Variants in DLGAP1 observed in about 807,000 individuals in gnomAD.
DLGAP1 encodes the protein disks large-associated protein 1.
DLGAP1 carries 11 observed loss-of-function variants against 90.8 expected under a neutral mutation model. That is an observed-to-expected ratio of 0.12 (90% confidence interval 0.08 to 0.20). DLGAP1 has a LOEUF of 0.20. DLGAP1 is among the 10% of genes least tolerant of loss of function. DLGAP1 has a pLI of 1.00. For synonymous variants in DLGAP1, 558 were observed against 540.7 expected (o/e 1.03, Z -0.44); for missense variants, 1,050 against 1,333.8 (o/e 0.79, Z 3.31).
chr18:3,668,111 T>C (rs1442292568), intron 7 of DLGAP1, among the ~76,000 whole-genome samples: 1 of 152,170 alleles, frequency 6.6e-6, no homozygotes, highest in African/African-American at 2.4e-5. Context: ...TAATTTATTT[T>C]TCCTTAAGTG....
intron 2 of DLGAP1, among the ~76,000 whole-genome samples, chr18:4,057,795 G>C (rs1193237515): frequency 2.0e-5 from 3 of 152,146 alleles, no homozygotes; most frequent in Admixed American, 1.3e-4. Context: ...ACTGTGACTT[G>C]GATATGTCAC....
intron 2 of DLGAP1, among the ~76,000 whole-genome samples, chr18:4,102,189 G>C (rs1221974180): frequency 1.3e-5 from 2 of 152,094 alleles, no homozygotes; most frequent in Non-Finnish European, 2.9e-5. Flanking sequence ...TGTTCTAAAG[G>C]ACTCCAGTAG....
At chr18:4,030,573 G>GTAGCTCAA (rs1568360622) in intron 2 of DLGAP1, among the ~76,000 whole-genome samples, 2 of 151,912 alleles carry the variant, frequency 1.3e-5, no homozygotes, top group African/African-American at 4.8e-5. Flanking sequence ...TTGAGTGAAG[G>GTAGCTCAA]TTGCCAAGTG....
chr18:4,046,430 A>G (rs774142714), intron 2 of DLGAP1, among the ~76,000 whole-genome samples: 10 of 152,230 alleles, frequency 6.6e-5, no homozygotes, highest in African/African-American at 1.7e-4. Flanking sequence ...TTTCCATATC[A>G]TCTTAGTTAG....
At chr18:3,512,616 A>T (rs1251494244) in intron 10 of DLGAP1, among the ~76,000 whole-genome samples, 1 of 152,196 alleles carries the variant, frequency 6.6e-6, no homozygotes, top group Non-Finnish European at 1.5e-5. Flanking sequence ...ATCACTTAGT[A>T]TTTCAAAACT....
At chr18:4,428,456 C>A (rs2083205349) in intron 1 of DLGAP1, among the ~76,000 whole-genome samples, 1 of 152,118 alleles carries the variant, frequency 6.6e-6, no homozygotes, top group Non-Finnish European at 1.5e-5. Context: ...GTGGCGCACA[C>A]CTGTAATCCC....
chr18:3,611,528 G>A lies in DLGAP1; in HGVS notation c.1592-29280C>T, dbSNP rs182226517. 2.5e-3 allele frequency among the ~76,000 whole-genome samples: 379 copies of A among 152,180 alleles called. 2 individuals are homozygous for A. Among genetic ancestry groups the A allele is most frequent in the Middle Eastern group, 0.02 (6 of 294 alleles). On this transcript the variant is annotated intron_variant, in intron 7 of 12. Transcript: ENST00000315677. Reference sequence around the variant, plus strand: ...ACCCTCCCCATGACCAAGGCCCCACGAAGTCTTTCCAAAGCCCCTGCTTGT... The same window carrying A: ...ACCCTCCCCATGACCAAGGCCCCACAAAGTCTTTCCAAAGCCCCTGCTTGT...
chr18:3,627,959 C>A (rs1047395915), intron 7 of DLGAP1, among the ~76,000 whole-genome samples: 5 of 148,190 alleles, frequency 3.4e-5, no homozygotes, highest in Middle Eastern at 3.5e-3. Context: ...CTCACTGCAA[C>A]CTCCCACCTC....
At position 3,552,892 on chromosome 18, in the gene DLGAP1, C is replaced by A. The variant is rs2053554240; in HGVS notation, c.2057+14598G>T. Among the ~76,000 whole-genome samples, 3 of 152,048 alleles carry A rather than the reference C, an allele frequency of 2.0e-5. No individual in the cohort carries two copies. The South Asian group carries it at 6.2e-4, about 31-fold the overall frequency. Reference sequence around the variant, plus strand: ...CTTGGATTCCTGCACTACTGGCTTTCGATTCAGCTTTCTCTGGTCTGCCAA... The same window carrying A: ...CTTGGATTCCTGCACTACTGGCTTTAGATTCAGCTTTCTCTGGTCTGCCAA... On this transcript the variant is annotated intron_variant, in intron 9 of 12. Coordinates refer to ENST00000315677, the MANE Select transcript of DLGAP1 (RefSeq NM_004746.4).
At chr18:3,830,996 C>T (rs955452036) in intron 4 of DLGAP1, among the ~76,000 whole-genome samples, 1 of 152,212 alleles carries the variant, frequency 6.6e-6, no homozygotes, top group African/African-American at 2.4e-5. Context: ...CCCAGATTTT[C>T]CTCTACCAAG....
intron 1 of DLGAP1, among the ~76,000 whole-genome samples, chr18:4,242,939 A>C (rs997906366): frequency 2.6e-5 from 4 of 152,144 alleles, no homozygotes; most frequent in Non-Finnish European, 5.9e-5. Flanking sequence ...AAGAGTACTC[A>C]CTATGAGGGC....
intron 6 of DLGAP1, among the ~76,000 whole-genome samples, chr18:3,732,108 A>G (rs8099815): frequency 0.086 from 13,041 of 152,186 alleles, 1,783 homozygotes; most frequent in African/African-American, 0.29. Flanking sequence ...GAGCATCTAG[A>G]TTGTTTGCCC....
intron 1 of DLGAP1, among the ~76,000 whole-genome samples, chr18:4,443,560 T>C (rs961295699): frequency 8.5e-5 from 13 of 152,384 alleles, no homozygotes; most frequent in Admixed American, 8.5e-4. Context: ...TAGAAGTCAT[T>C]AAGTTAGAAG....
rs115398908 is a variant in DLGAP1, at chr18:3,776,251, A to C, written c.1173-33739T>G. On this transcript the variant is annotated intron_variant, in intron 5 of 12. Transcript: ENST00000315677. ...GAAATCTAGAAGAGGATATGTGGCTAATTTTAGAGGAAACATTAACTTTGG... is the reference window on the plus strand; with the variant it reads ...GAAATCTAGAAGAGGATATGTGGCTCATTTTAGAGGAAACATTAACTTTGG... 6.6e-3 allele frequency among the ~76,000 whole-genome samples: 1,003 copies of C among 152,338 alleles called. 11 individuals carry two copies. The highest frequency in any genetic ancestry group is 0.023 in the African/African-American group (956 of 41,580).
intron 3 of DLGAP1, chr18:3,962,505 T>C (rs181338728): frequency 5.3e-5 from 8 of 152,338 alleles, no homozygotes; most frequent in African/African-American, 1.9e-4. Context: ...TATGTAAATA[T>C]TCTGAACATT....
intron 6 of DLGAP1, among the ~76,000 whole-genome samples, chr18:3,741,109 T>C (rs1201340670): frequency 2.0e-3 from 108 of 53,768 alleles, no homozygotes; most frequent in Admixed American, 3.1e-3. Context: ...ACCATCACCA[T>C]CACCACCACC....
intron 1 of DLGAP1, among the ~76,000 whole-genome samples, chr18:4,282,125 G>A (rs1003432029): frequency 6.6e-6 from 1 of 152,172 alleles, no homozygotes; most frequent in African/African-American, 2.4e-5. Context: ...AGCACTTTGG[G>A]AGGCCGAGGC....
intron 5 of DLGAP1, among the ~76,000 whole-genome samples, chr18:3,769,800 C>G: frequency 6.6e-6 from 1 of 151,638 alleles, no homozygotes; most frequent in East Asian, 1.9e-4. Flanking sequence ...TGTCAATATC[C>G]TCTTTGTGAT....
At chr18:3,732,007 A>G (rs1052487264) in intron 6 of DLGAP1, among the ~76,000 whole-genome samples, 9 of 152,160 alleles carry the variant, frequency 5.9e-5, no homozygotes, top group Non-Finnish European at 1.0e-4. Flanking sequence ...CCAAGCGTGC[A>G]TCCCTGGGCT....
Sources: allele counts gnomAD v4.1 joint callset (sites outside exome capture counted in the v4.1 genomes callset), GRCh38; gene constraint gnomAD v4.1.1; transcripts MANE v1.5; gene names NCBI Gene and HGNC (gene_info 2026-07-23, HGNC 2026-07-21).